PCOLCE2: variants seen among roughly 807,000 people sequenced by gnomAD.
The protein encoded by PCOLCE2 is procollagen C-proteinase enhancer 2.
A neutral mutation model predicts 47.0 loss-of-function variants in PCOLCE2; 42 were observed. The observed-to-expected ratio is 0.89, with a 90% CI of 0.70 to 1.16. PCOLCE2 has a LOEUF of 1.16. Ranked by LOEUF, PCOLCE2 falls within the 50% of genes most tolerant of loss-of-function variation. PCOLCE2 has a pLI of 0.00. For synonymous variants in PCOLCE2, 169 were observed against 191.7 expected (o/e 0.88, Z 0.98); for missense variants, 500 against 526.1 (o/e 0.95, Z 0.49).
In PCOLCE2 at chr3:142,823,513, A is replaced by C. The variant is rs1377507457; in HGVS notation, c.949+19T>G. 4 of 1,465,438 alleles carry C rather than the reference A, an allele frequency of 2.7e-6. No homozygotes were observed. The highest frequency in any genetic ancestry group is 2.3e-5 in the South Asian group (2 of 86,060). 90.8% of individuals were successfully genotyped at this position (1,465,438 alleles called of 1,614,324 possible). A position where few individuals can be genotyped will look rare whatever the true frequency, so the allele number is the denominator to read the frequency against. ...CAAGTTTCTGGTTAAAGAGAAAAAG[A>C]CTGGCTTTTATTTCTTACCAAAGTC... On this transcript the variant is annotated intron_variant, in intron 7 of 8. Transcript: ENST00000295992.
At position 142,888,907 on chromosome 3, in the gene PCOLCE2, A is replaced by T; in HGVS notation, c.-11T>A. 2 of 1,441,878 alleles carry T rather than the reference A, an allele frequency of 1.4e-6. No homozygotes were observed. The highest frequency in any genetic ancestry group is 1.8e-6 in the Non-Finnish European group (2 of 1,094,830). The allele number at this position is 1,441,878 out of a possible 1,614,324, so 89.3% of individuals were successfully genotyped here. ...GTTCGCGCCCCTCATGGCAGCGTAG[A>T]CGCTCGGGGTTTGCACCCCACGGCG... On this transcript the variant is annotated 5_prime_UTR_variant, in exon 1 of 9. Coordinates refer to ENST00000295992, the MANE Select transcript of PCOLCE2 (RefSeq NM_013363.4).
chr3:142,864,743 T>C (rs1411810079), intron 2 of PCOLCE2, among the ~76,000 whole-genome samples: 1 of 152,224 alleles, frequency 6.6e-6, no homozygotes, highest in Non-Finnish European at 1.5e-5. Context: ...TGGACATTCA[T>C]ATGAATGGAA....
At chr3:142,885,670 T>A (rs1377763916) in intron 2 of PCOLCE2, among the ~76,000 whole-genome samples, 1 of 152,192 alleles carries the variant, frequency 6.6e-6, no homozygotes, top group Non-Finnish European at 1.5e-5. Context: ...CCTTGTCTAC[T>A]CCACCATCTT....
intron 1 of PCOLCE2, among the ~76,000 whole-genome samples, chr3:142,888,066 A>G (rs1472486629): frequency 6.6e-6 from 1 of 152,224 alleles, no homozygotes; most frequent in Non-Finnish European, 1.5e-5. Context: ...GAAAATGGTA[A>G]ATACATCAAT....
chr3:142,862,812 A>G (rs1374822604), intron 2 of PCOLCE2, among the ~76,000 whole-genome samples: 3 of 152,192 alleles, frequency 2.0e-5, no homozygotes, highest in African/African-American at 7.2e-5. Context: ...TCTAATGTAC[A>G]CTTGCACCAT....
intron 6 of PCOLCE2, chr3:142,827,210 C>T (rs1937090432): frequency 2.4e-6 from 3 of 1,256,338 alleles, no homozygotes; most frequent in South Asian, 1.2e-5. Context: ...GGAGGGGATG[C>T]CGATGTGCTG....
chr3:142,827,452 G>A (rs1448482293), intron 6 of PCOLCE2: 1 of 1,553,684 alleles, frequency 6.4e-7, no homozygotes, highest in Non-Finnish European at 8.9e-7. Flanking sequence ...TCTCAGGGTT[G>A]TGGGAGATAG....
chr3:142,827,632 G>T, intron 6 of PCOLCE2: 1 of 1,469,090 alleles, frequency 6.8e-7, no homozygotes. Flanking sequence ...GAATGCCCTC[G>T]GCAGCAATGA....
intron 2 of PCOLCE2, among the ~76,000 whole-genome samples, chr3:142,874,058 A>G (rs1933449479): frequency 6.6e-6 from 1 of 152,110 alleles, no homozygotes; most frequent in Admixed American, 6.5e-5. Flanking sequence ...ATGAGTTCTC[A>G]TGAGAGCTGA....
At chr3:142,834,550 A>T (rs753056339) in intron 5 of PCOLCE2, among the ~76,000 whole-genome samples, 21 of 152,206 alleles carry the variant, frequency 1.4e-4, no homozygotes, top group Non-Finnish European at 2.8e-4. Flanking sequence ...CAAACTATCT[A>T]AGAAAAGACA....
At chr3:142,821,907 T>G (rs1005548339) in intron 7 of PCOLCE2, among the ~76,000 whole-genome samples, 2 of 150,208 alleles carry the variant, frequency 1.3e-5, no homozygotes, top group Admixed American at 6.6e-5. Context: ...CTGAATACAG[T>G]TTTTTTTTGT....
At chr3:142,846,047 CTCT>C (rs1937325242) in intron 3 of PCOLCE2, among the ~76,000 whole-genome samples, 1 of 152,292 alleles carries the variant, frequency 6.6e-6, no homozygotes, top group African/African-American at 2.4e-5. Context: ...ATTCTTATCA[CTCT>C]TCTTCTGTAT....
chr3:142,868,380 T>G (rs1443490000), intron 2 of PCOLCE2, among the ~76,000 whole-genome samples: 1 of 152,248 alleles, frequency 6.6e-6, no homozygotes, highest in Admixed American at 6.5e-5. Flanking sequence ...TCAGCCATGA[T>G]GGCAAGGGGT....
At chr3:142,840,687 AATATTTCCT>A (rs1937254454) in intron 4 of PCOLCE2, among the ~76,000 whole-genome samples, 1 of 152,202 alleles carries the variant, frequency 6.6e-6, no homozygotes, top group East Asian at 1.9e-4. Context: ...ATTGTATTAA[AATATTTCCT>A]CTTTGGGTCC....
chr3:142,873,119 G>A (rs1006283940), intron 2 of PCOLCE2, among the ~76,000 whole-genome samples: 35 of 152,140 alleles, frequency 2.3e-4, no homozygotes, highest in Non-Finnish European at 3.7e-4. Flanking sequence ...TTGGCTGGGC[G>A]CAGTGGCTCA....
intron 2 of PCOLCE2, among the ~76,000 whole-genome samples, chr3:142,854,171 T>C (rs137963021): frequency 1.6e-4 from 25 of 151,724 alleles, no homozygotes; most frequent in African/African-American, 5.8e-4. Context: ...AAACACATCA[T>C]TTACTACTTT....
At chr3:142,879,481 C>T (rs997670725) in intron 2 of PCOLCE2, among the ~76,000 whole-genome samples, 2 of 152,122 alleles carry the variant, frequency 1.3e-5, no homozygotes, top group African/African-American at 4.8e-5. Context: ...CAAAAGCAGG[C>T]AGAAAGCTAA....
At chr3:142,848,087 A>G in intron 3 of PCOLCE2, 130 bp downstream of exon 3, 1 of 859,770 alleles carries the variant, frequency 1.2e-6, no homozygotes, top group East Asian at 2.6e-5. Flanking sequence ...TATTGGTCTC[A>G]TCATGGTTTG....
intron 5 of PCOLCE2, among the ~76,000 whole-genome samples, chr3:142,838,555 T>C (rs1399281991): frequency 1.3e-5 from 2 of 152,176 alleles, no homozygotes; most frequent in African/African-American, 4.8e-5. Context: ...CTGTACAACA[T>C]GCAGAACCCT....
Sources: gnomAD v4.1 joint callset for allele counts (sites outside exome capture counted in the v4.1 genomes callset) on GRCh38, gnomAD v4.1.1 for gene constraint, MANE v1.5 for transcripts, NCBI Gene and HGNC (gene_info 2026-07-23, HGNC 2026-07-21) for gene names.